NCMAP: variants seen among roughly 807,000 people sequenced by gnomAD.
NCMAP encodes noncompact myelin-associated protein.
NCMAP carries 8 observed loss-of-function variants against 7.8 expected under a neutral mutation model. The ratio of observed to expected loss-of-function variants is 1.02; its 90% CI spans 0.60 to 1.84. The LOEUF (loss-of-function observed/expected upper bound fraction) is 1.84. Among genes scored for constraint, NCMAP ranks in the 40% most tolerant of loss-of-function variants. The probability of loss-of-function intolerance (pLI) is 0.00; values close to 1 mark genes in which losing one functional copy is unlikely to be tolerated. For synonymous variants in NCMAP, 41 were observed against 52.9 expected (o/e 0.78, Z 0.98); for missense variants, 112 against 131.4 (o/e 0.85, Z 0.72).
chr1:24,598,749 T>C (rs1652346892), intron 2 of NCMAP, among the ~76,000 whole-genome samples: 2 of 151,788 alleles, frequency 1.3e-5, no homozygotes, highest in African/African-American at 2.4e-5. Context: ...GCGATTCTCG[T>C]GCCTCAGCCT....
At chr1:24,585,872 G>A (rs750549421) in intron 1 of NCMAP, among the ~76,000 whole-genome samples, 6 of 152,134 alleles carry the variant, frequency 3.9e-5, no homozygotes, top group Non-Finnish European at 7.4e-5. Flanking sequence ...TCCCCTCCTT[G>A]GGACACCAGC....
chr1:24,570,163 C>T (rs1195502108), intron 1 of NCMAP, among the ~76,000 whole-genome samples: 2 of 148,076 alleles, frequency 1.4e-5, no homozygotes, highest in Non-Finnish European at 2.9e-5. Context: ...CCAGGCTGCT[C>T]TTGAACTCCT....
intron 1 of NCMAP, among the ~76,000 whole-genome samples, chr1:24,577,401 G>GTTTTTTTTTGTTTTTTTTTTTT (rs1651605073): frequency 5.0e-5 from 2 of 39,956 alleles, no homozygotes; most frequent in African/African-American, 1.1e-4. Context: ...CACTGGCCTT[G>GTTTTTTTTTGTTTTTTTTTTTT]TTTTTTTTTT....
At chr1:24,602,828 G>C (rs1176443243) in intron 3 of NCMAP, among the ~76,000 whole-genome samples, 1 of 151,840 alleles carries the variant, frequency 6.6e-6, no homozygotes, top group Non-Finnish European at 1.5e-5. Context: ...GCTGAGGCGG[G>C]CAGATCACGG....
At chr1:24,569,155 G>A (rs751073786) in intron 1 of NCMAP, among the ~76,000 whole-genome samples, 4 of 151,834 alleles carry the variant, frequency 2.6e-5, no homozygotes, top group Admixed American at 6.6e-5. Flanking sequence ...CACCATGCCC[G>A]ACTGATTTTT....
chr1:24,569,063 C>T (rs112383636), intron 1 of NCMAP, among the ~76,000 whole-genome samples: 4,758 of 151,770 alleles, frequency 0.031, 284 homozygotes, highest in African/African-American at 0.11. Flanking sequence ...CCCAATGGTG[C>T]GATCTCAGCT....
intron 1 of NCMAP, among the ~76,000 whole-genome samples, chr1:24,571,998 C>A (rs6424107): frequency 0.11 from 15,984 of 150,788 alleles, 1,462 homozygotes; most frequent in East Asian, 0.18. Flanking sequence ...GCCACATTTC[C>A]GAGGCTCAAA....
chr1:24,602,061 A>T (rs1356056872), intron 3 of NCMAP, among the ~76,000 whole-genome samples: 1 of 151,716 alleles, frequency 6.6e-6, no homozygotes, highest in African/African-American at 2.4e-5. Flanking sequence ...AAAATCATAT[A>T]TATATGTATT....
intron 3 of NCMAP, among the ~76,000 whole-genome samples, chr1:24,605,079 G>T (rs1490809129): frequency 1.3e-5 from 2 of 151,172 alleles, no homozygotes; most frequent in African/African-American, 4.9e-5. Context: ...TCGCTCCACT[G>T]CACTCCAGCC....
chr1:24,582,292 C>T (rs3924434), intron 1 of NCMAP, among the ~76,000 whole-genome samples: 96,696 of 151,932 alleles, frequency 0.64, 31,162 homozygotes, highest in East Asian at 0.82. Context: ...CAGATAAGAG[C>T]CCAACTCCTA....
intron 1 of NCMAP, among the ~76,000 whole-genome samples, chr1:24,577,804 C>T (rs1351055396): frequency 1.3e-5 from 2 of 151,958 alleles, no homozygotes; most frequent in Non-Finnish European, 2.9e-5. Context: ...TAGTGCCTTA[C>T]GACAGCAGGG....
At chr1:24,599,778 A>G (rs1652402271) in intron 2 of NCMAP, among the ~76,000 whole-genome samples, 2 of 119,768 alleles carry the variant, frequency 1.7e-5, no homozygotes, top group African/African-American at 6.4e-5. Flanking sequence ...GGGTTTCCCC[A>G]TGTTGGTCAG....
At chr1:24,604,058 A>G (rs1257658533) in intron 3 of NCMAP, among the ~76,000 whole-genome samples, 5 of 152,254 alleles carry the variant, frequency 3.3e-5, no homozygotes, top group African/African-American at 1.2e-4. Flanking sequence ...GATCAAATTC[A>G]CAGCCTAAGA....
At chr1:24,588,801 G>A (rs1651961912) in intron 1 of NCMAP, among the ~76,000 whole-genome samples, 1 of 152,146 alleles carries the variant, frequency 6.6e-6, no homozygotes, top group Admixed American at 6.5e-5. Flanking sequence ...AAGGGCAGGA[G>A]TAGTTGGGTA....
intron 2 of NCMAP, among the ~76,000 whole-genome samples, chr1:24,597,529 G>A (rs1384337220): frequency 1.4e-5 from 1 of 72,646 alleles, no homozygotes; most frequent in Non-Finnish European, 2.7e-5. Flanking sequence ...AGGGGGGGGG[G>A]GAGGGGGAGG....
In NCMAP at chr1:24,602,404, A is replaced by G. The variant is rs1266232332; in HGVS notation, c.167+1380A>G. On this transcript the variant is annotated intron_variant, in intron 3 of 3. Coordinates refer to ENST00000374392, the MANE Select transcript of NCMAP (RefSeq NM_001010980.5). ...GAGACCACGGTGAAACCCCGTCTCT[A>G]CTAAAAATACAAAAAATTAGCCGGG... Among the ~76,000 whole-genome samples, 38 of 137,888 alleles carry G rather than the reference A, an allele frequency of 2.8e-4. 2 individuals are homozygous for G. The highest frequency in any genetic ancestry group is 1.3e-3 in the African/African-American group (37 of 28,682). The allele number at this position is 137,888 out of a possible 152,430, so 90.5% of individuals were successfully genotyped here. A position where few individuals can be genotyped will look rare whatever the true frequency, so the allele number is the denominator to read the frequency against.
intron 1 of NCMAP, among the ~76,000 whole-genome samples, chr1:24,581,122 C>CT (rs5773095): frequency 0.17 from 23,486 of 141,882 alleles, 2,092 homozygotes; most frequent in Non-Finnish European, 0.21. Context: ...GTCCTTTCTG[C>CT]TTTTTTTTTT....
chr1:24,570,643 T>G (rs1399218940), intron 1 of NCMAP, among the ~76,000 whole-genome samples: 1 of 150,950 alleles, frequency 6.6e-6, no homozygotes, highest in African/African-American at 2.5e-5. Context: ...ATGGTGCCAT[T>G]CAAATTCCAC....
chr1:24,593,927 T>C (rs902551435), intron 1 of NCMAP, among the ~76,000 whole-genome samples: 3 of 152,076 alleles, frequency 2.0e-5, no homozygotes, highest in African/African-American at 7.2e-5. Context: ...AGAGTGACTC[T>C]GTCGCCCAGG....
Sources: gnomAD v4.1 joint callset for allele counts (sites outside exome capture counted in the v4.1 genomes callset) on GRCh38, gnomAD v4.1.1 for gene constraint, MANE v1.5 for transcripts, NCBI Gene and HGNC (gene_info 2026-07-23, HGNC 2026-07-21) for gene names.